Variants in RIMS4 observed in about 807,000 individuals in gnomAD.
RIMS4 encodes regulating synaptic membrane exocytosis protein 4.
A neutral mutation model predicts 29.0 loss-of-function variants in RIMS4; 9 were observed. That is an observed-to-expected ratio of 0.31 (90% CI 0.19 to 0.54). The LOEUF (loss-of-function observed/expected upper bound fraction) is 0.54. Among genes scored for constraint, RIMS4 ranks in the 20% least tolerant of loss-of-function variants. The pLI, the probability that RIMS4 is intolerant of heterozygous loss-of-function variation, is 0.94. For missense variants in RIMS4, 193 were observed against 365.7 expected, an observed-to-expected ratio of 0.53 and a Z score of 3.85; for synonymous variants, 130 against 152.9, an observed-to-expected ratio of 0.85 and a Z score of 1.10.
chr20:44,769,663 C>T (rs536490668), intron 2 of RIMS4, among the ~76,000 whole-genome samples: 1 of 152,364 alleles, frequency 6.6e-6, no homozygotes, highest in South Asian at 2.1e-4. Flanking sequence ...CTGTCCTCCT[C>T]CTGTTCTCGC....
chr20:44,782,486 A>G (rs138443334), intron 1 of RIMS4, among the ~76,000 whole-genome samples: 1 of 152,088 alleles, frequency 6.6e-6, no homozygotes, highest in East Asian at 1.9e-4. Flanking sequence ...CATGTTGGCC[A>G]GTTTGGTCTC....
intron 1 of RIMS4, among the ~76,000 whole-genome samples, chr20:44,807,897 C>T (rs963596963): frequency 2.6e-5 from 4 of 152,016 alleles, no homozygotes; most frequent in African/African-American, 7.3e-5. Flanking sequence ...AACTCTTGGT[C>T]GCCAGCCGCA....
chr20:44,768,832 A>T (rs1014340180), intron 2 of RIMS4, among the ~76,000 whole-genome samples: 10 of 152,228 alleles, frequency 6.6e-5, no homozygotes, highest in Non-Finnish European at 1.3e-4. Flanking sequence ...GGGGTGGCTC[A>T]CTATATCCGT....
In RIMS4 at chr20:44,805,343, G is replaced by A. The variant is rs6103874; in HGVS notation, c.97+4832C>T. Among the ~76,000 whole-genome samples, 811 of 152,052 alleles carry A rather than the reference G, an allele frequency of 5.3e-3. 8 individuals carry two copies. The highest frequency in any genetic ancestry group is 0.018 in the African/African-American group (767 of 41,464). ...TAAATAAATAAATAAAGTGGTTTGCGTCCACACTCTCACCCCACCCCTCTA... is the reference window on the plus strand; with the variant it reads ...TAAATAAATAAATAAAGTGGTTTGCATCCACACTCTCACCCCACCCCTCTA... On this transcript the variant is annotated intron_variant, in intron 1 of 5. Transcript: ENST00000372851.
At position 44,810,164 on chromosome 20, in the gene RIMS4, C is replaced by T. The variant is rs1417971523; in HGVS notation, c.97+11G>A. ...CACCCCGGGGGTCTGGGGGGCGGGC[C>T]GCGCGCTTACCTGCGTCCTCGTCGT... On this transcript the variant is annotated intron_variant, in intron 1 of 5. Transcript: ENST00000372851. 1.3e-6 allele frequency: 2 copies of T among 1,568,720 alleles called. No individual in the cohort carries two copies. Among genetic ancestry groups the T allele is most frequent in the African/African-American group, 1.4e-5 (1 of 73,676 alleles).
chr20:44,776,105 CCCA>C (rs1420848702), intron 1 of RIMS4, among the ~76,000 whole-genome samples: 2 of 151,918 alleles, frequency 1.3e-5, no homozygotes, highest in Non-Finnish European at 2.9e-5. Flanking sequence ...ATAGCGAAAC[CCCA>C]CCTCTACAAA....
intron 1 of RIMS4, among the ~76,000 whole-genome samples, chr20:44,804,502 T>C (rs2066289972): frequency 6.6e-6 from 1 of 152,166 alleles, no homozygotes; most frequent in Non-Finnish European, 1.5e-5. Context: ...TTCCAGCAAT[T>C]TTTAAAAGAC....
rs1377645384 is a variant in RIMS4, at chr20:44,757,042, G to A, written c.452-5C>T. 6.2e-7 allele frequency: 1 copy of A among 1,613,194 alleles called. No homozygotes were observed. The highest frequency in any genetic ancestry group is 2.2e-5 in the East Asian group (1 of 44,852). On this transcript the variant is annotated splice_region_variant and splice_polypyrimidine_tract_variant and intron_variant, in intron 4 of 5. Coordinates refer to ENST00000372851, the MANE Select transcript of RIMS4 (RefSeq NM_182970.4). ...GGTAGGCCTTGATGTAGGCCGCTGG[G>A]GATAGAGGCCAGCAGGGGTGAGTTC...
chr20:44,761,911 T>C (rs985370881), intron 2 of RIMS4, among the ~76,000 whole-genome samples: 1 of 152,188 alleles, frequency 6.6e-6, no homozygotes, highest in African/African-American at 2.4e-5. Context: ...GTATACCCAC[T>C]ATTCTTGCAA....
intron 1 of RIMS4, among the ~76,000 whole-genome samples, chr20:44,788,795 C>T (rs2066219960): frequency 6.6e-6 from 1 of 151,652 alleles, no homozygotes; most frequent in Non-Finnish European, 1.5e-5. Context: ...GATTTTACTA[C>T]CCACTTAAAA....
chr20:44,800,679 T>C (rs1182161769), intron 1 of RIMS4, among the ~76,000 whole-genome samples: 1 of 151,976 alleles, frequency 6.6e-6, no homozygotes, highest in Non-Finnish European at 1.5e-5. Flanking sequence ...TGTACAAGTG[T>C]CCTACCTTCT....
chr20:44,774,484 C>T (rs1397084722), intron 1 of RIMS4, among the ~76,000 whole-genome samples: 1 of 152,080 alleles, frequency 6.6e-6, no homozygotes, highest in Non-Finnish European at 1.5e-5. Context: ...GCTTAGCCTC[C>T]CAGCGTGCAT....
At chr20:44,791,518 T>C (rs909099251) in intron 1 of RIMS4, among the ~76,000 whole-genome samples, 1 of 152,226 alleles carries the variant, frequency 6.6e-6, no homozygotes, top group Admixed American at 6.5e-5. Flanking sequence ...GAATGTGGCA[T>C]GTGCTCAGGA....
chr20:44,801,463 A>G (rs558188629), intron 1 of RIMS4, among the ~76,000 whole-genome samples: 23 of 152,276 alleles, frequency 1.5e-4, no homozygotes, highest in African/African-American at 4.8e-4. Context: ...CCCCCTTTAC[A>G]TCGATGATTC....
At chr20:44,798,801 T>C (rs1159019460) in intron 1 of RIMS4, among the ~76,000 whole-genome samples, 1 of 152,264 alleles carries the variant, frequency 6.6e-6, no homozygotes, top group African/African-American at 2.4e-5. Context: ...TGCCCATGTC[T>C]GGCTGCTTCT....
chr20:44,756,831 C>T lies in RIMS4; in HGVS notation c.591+67G>A, dbSNP rs1016491185. On this transcript the variant is annotated intron_variant, in intron 5 of 5. Transcript: ENST00000372851. This position sits in a 1 kb window ranked among gnomAD's most constrained non-coding sequence, Gnocchi z 5.9. Reference sequence around the variant, plus strand: ...CACCCCCCGCCAGGGGTGCCCTCCTCTCATTCTGGTACTGTGCATGTGTGC... The same window carrying T: ...CACCCCCCGCCAGGGGTGCCCTCCTTTCATTCTGGTACTGTGCATGTGTGC... 2.8e-5 allele frequency: 42 copies of T among 1,488,742 alleles called. No homozygotes were observed. The highest frequency in any genetic ancestry group is 3.6e-5 in the Non-Finnish European group (40 of 1,110,724). 92.2% of individuals were successfully genotyped at this position (1,488,742 alleles called of 1,614,324 possible). A position where few individuals can be genotyped will look rare whatever the true frequency, so the allele number is the denominator to read the frequency against.
chr20:44,804,898 T>C (rs903660143), intron 1 of RIMS4, among the ~76,000 whole-genome samples: 2 of 152,120 alleles, frequency 1.3e-5, no homozygotes, highest in Admixed American at 6.5e-5. Flanking sequence ...AGAGCACTGA[T>C]TGCACCACAG....
At chr20:44,800,401 T>C (rs2066272883) in intron 1 of RIMS4, among the ~76,000 whole-genome samples, 2 of 151,936 alleles carry the variant, frequency 1.3e-5, no homozygotes, top group African/African-American at 2.4e-5. Context: ...TAAAAGCTGA[T>C]AACAGTGCTT....
At chr20:44,809,674 G>C (rs2066314570) in intron 1 of RIMS4, among the ~76,000 whole-genome samples, 2 of 152,186 alleles carry the variant, frequency 1.3e-5, no homozygotes, top group Non-Finnish European at 2.9e-5. Context: ...GAGATAAATG[G>C]GGGCGCTCAA....
Sources: gnomAD v4.1 joint callset for allele counts (sites outside exome capture counted in the v4.1 genomes callset) on GRCh38, gnomAD v4.1.1 for gene constraint, Gnocchi (gnomAD v3.1) non-coding constraint, MANE v1.5 for transcripts, NCBI Gene and HGNC (gene_info 2026-07-23, HGNC 2026-07-21) for gene names.